The following HS2ST1 variants were observed in gnomAD, a reference collection of about 807,000 sequenced individuals.
HS2ST1 encodes 2-O-sulfotransferase.
In HS2ST1, 18 loss-of-function variants were observed where a neutral mutation model predicts 42.9. The ratio of observed to expected loss-of-function variants is 0.42; its 90% CI spans 0.29 to 0.62. The LOEUF (loss-of-function observed/expected upper bound fraction) is 0.62. Among genes scored for constraint, HS2ST1 ranks in the 20% least tolerant of loss-of-function variants. The pLI is 0.21. For missense variants in HS2ST1, 334 were observed against 433.8 expected (o/e 0.77, Z 2.04); for synonymous variants, 146 against 152.9 (o/e 0.95, Z 0.33).
intron 1 of HS2ST1, among the ~76,000 whole-genome samples, chr1:87,026,431 G>A (rs768101977): frequency 3.3e-5 from 5 of 152,116 alleles, no homozygotes; most frequent in African/African-American, 7.2e-5. Flanking sequence ...ATAAATGTTC[G>A]TAAGTAATCT....
chr1:87,047,723 A>G (rs969567976), intron 1 of HS2ST1, among the ~76,000 whole-genome samples: 9 of 152,128 alleles, frequency 5.9e-5, no homozygotes, highest in Non-Finnish European at 2.9e-5. Flanking sequence ...AATTGATCAT[A>G]TTTGTATCCA....
At chr1:87,054,743 C>T (rs762059945) in intron 1 of HS2ST1, among the ~76,000 whole-genome samples, 2 of 152,134 alleles carry the variant, frequency 1.3e-5, no homozygotes, top group Non-Finnish European at 2.9e-5. Flanking sequence ...TGCACTCTAT[C>T]GGCCAGCTGG....
At chr1:87,028,675 C>T (rs929033808) in intron 1 of HS2ST1, among the ~76,000 whole-genome samples, 7 of 152,072 alleles carry the variant, frequency 4.6e-5, no homozygotes, top group Non-Finnish European at 8.8e-5. Flanking sequence ...TATACACACA[C>T]GTTTTTGCAA....
chr1:86,955,727 G>A (rs1050658458), intron 1 of HS2ST1, among the ~76,000 whole-genome samples: 6 of 152,238 alleles, frequency 3.9e-5, no homozygotes, highest in Non-Finnish European at 5.9e-5. Flanking sequence ...GCTTACACCT[G>A]TAGTCCCAGC....
chr1:86,975,912 T>G (rs1312412716), intron 1 of HS2ST1, among the ~76,000 whole-genome samples: 1 of 152,200 alleles, frequency 6.6e-6, no homozygotes, highest in Non-Finnish European at 1.5e-5. Flanking sequence ...GGCTGTAAAT[T>G]TTGGCCAAAT....
rs1468908472 is a variant in HS2ST1 at position 87,109,519 on chromosome 1, T to A, written c.*4823T>A. The A allele has an allele frequency of 6.6e-6, 1 of 152,148 alleles. No individual in the cohort carries two copies. The highest frequency in any genetic ancestry group is 1.5e-5 in the Non-Finnish European group (1 of 67,982). The allele number at this position is 152,148 out of a possible 1,614,324, so 9.4% of individuals were successfully genotyped here. On this transcript the variant is annotated 3_prime_UTR_variant, in exon 7 of 7. Coordinates refer to ENST00000370550, the MANE Select transcript of HS2ST1 (RefSeq NM_012262.4). ...ACTTAATCTAACATTTATGGCACAGTTTGGACATATCCATAATTTTTTTTG... is the reference window on the plus strand; with the variant it reads ...ACTTAATCTAACATTTATGGCACAGATTGGACATATCCATAATTTTTTTTG...
chr1:86,946,649 C>T (rs1051708157), intron 1 of HS2ST1, among the ~76,000 whole-genome samples: 1 of 152,180 alleles, frequency 6.6e-6, no homozygotes, highest in Admixed American at 6.5e-5. Context: ...TTAAGAGCAT[C>T]TTTAATCAGT....
rs544817279 is a variant in HS2ST1, at chr1:86,954,032, G to GTT, written c.124+38879_124+38880dup. On this transcript the variant is annotated intron_variant, in intron 1 of 6. Coordinates refer to ENST00000370550, the MANE Select transcript of HS2ST1 (RefSeq NM_012262.4). ...TGCAATAGTAATAACAAACATCACT[G>GTT]TTTTTTTTAAAAAAAAAAAAAAAAA... 8.2e-4 allele frequency among the ~76,000 whole-genome samples: 48 copies of GTT among 58,442 alleles called. 1 individual carries two copies. Among genetic ancestry groups the GTT allele is most frequent in the African/African-American group, 1.6e-3 (18 of 11,142 alleles). 38.3% of individuals were successfully genotyped at this position (58,442 alleles called of 152,430 possible).
rs779863604 is a variant in HS2ST1 at position 87,097,933 on chromosome 1, C to T, written c.684C>T (p.Cys228=). 6.2e-7 allele frequency: 1 copy of T among 1,613,850 alleles called. No homozygotes were observed. The highest frequency in any genetic ancestry group is 1.1e-5 in the South Asian group (1 of 91,076). Residue 228 remains cysteine (C), a splice_region_variant and synonymous_variant, in exon 5 of 7, where the codon TGC becomes TGT. Transcript: ENST00000370550. ...IPFFCGHSSE[C]WNVGSRWAMD... is the part of the protein sequence containing the mutation. ...TCTTCTGTGGCCATAGCTCCGAATGCTGGTAGGGGAGATAAAGTTGGCTCA... is the reference window on the plus strand; with the variant it reads ...TCTTCTGTGGCCATAGCTCCGAATGTTGGTAGGGGAGATAAAGTTGGCTCA...
intron 1 of HS2ST1, chr1:86,934,617 T>A (rs989879527): frequency 2.6e-5 from 4 of 152,198 alleles, no homozygotes; most frequent in Non-Finnish European, 5.9e-5. Flanking sequence ...CAATTCTCTA[T>A]TGGGTCTAAG....
At chr1:87,020,477 G>A (rs1030658921) in intron 1 of HS2ST1, among the ~76,000 whole-genome samples, 2 of 152,178 alleles carry the variant, frequency 1.3e-5, no homozygotes, top group African/African-American at 2.4e-5. Flanking sequence ...CTCAAAAGGA[G>A]CATTGTATTT....
intron 1 of HS2ST1, among the ~76,000 whole-genome samples, chr1:86,968,848 T>A: frequency 6.6e-6 from 1 of 152,034 alleles, no homozygotes. Context: ...GGAATTTAAC[T>A]CTGTTAAAAA....
intron 1 of HS2ST1, among the ~76,000 whole-genome samples, chr1:87,007,176 GATTT>G (rs1157031931): frequency 1.3e-5 from 2 of 151,830 alleles, no homozygotes; most frequent in Non-Finnish European, 2.9e-5. Flanking sequence ...TAGAAACTCA[GATTT>G]ATCAGTTTAT....
At chr1:87,071,276 T>G (rs1651396674) in intron 1 of HS2ST1, among the ~76,000 whole-genome samples, 1 of 152,234 alleles carries the variant, frequency 6.6e-6, no homozygotes, top group Admixed American at 6.5e-5. Context: ...TGACAATATT[T>G]GAAGTCTGCA....
At chr1:87,010,493 GA>G (rs1298260668) in intron 1 of HS2ST1, among the ~76,000 whole-genome samples, 1 of 151,708 alleles carries the variant, frequency 6.6e-6, no homozygotes, top group African/African-American at 2.4e-5. Context: ...AATAATGTAG[GA>G]AAAAAATATT....
intron 1 of HS2ST1, among the ~76,000 whole-genome samples, chr1:87,035,366 T>G (rs563221304): frequency 6.6e-6 from 1 of 152,348 alleles, no homozygotes; most frequent in South Asian, 2.1e-4. Flanking sequence ...TTTGAAAAAC[T>G]TATTCTTCTT....
chr1:86,970,257 A>G (rs760406971), intron 1 of HS2ST1, among the ~76,000 whole-genome samples: 1 of 152,240 alleles, frequency 6.6e-6, no homozygotes, highest in Non-Finnish European at 1.5e-5. Context: ...TAATGCAAAT[A>G]AACATGATTA....
chr1:87,025,879 C>T (rs1206667537), intron 1 of HS2ST1, among the ~76,000 whole-genome samples: 1 of 152,092 alleles, frequency 6.6e-6, no homozygotes, highest in Non-Finnish European at 1.5e-5. Context: ...GAAATATTTG[C>T]AGTCATATGT....
At chr1:87,042,146 C>T (rs1182517955) in intron 1 of HS2ST1, among the ~76,000 whole-genome samples, 1 of 152,022 alleles carries the variant, frequency 6.6e-6, no homozygotes, top group Non-Finnish European at 1.5e-5. Flanking sequence ...AATTCAAGTC[C>T]TTTGCCCATT....
Sources: gnomAD v4.1 joint callset for allele counts (sites outside exome capture counted in the v4.1 genomes callset) on GRCh38, gnomAD v4.1.1 for gene constraint, MANE v1.5 for transcripts, NCBI Gene and HGNC (gene_info 2026-07-23, HGNC 2026-07-21) for gene names.